The following KHDRBS3 variants were observed in gnomAD, a reference collection of about 807,000 sequenced individuals.
The protein encoded by KHDRBS3 is KH domain-containing, RNA-binding, signal transduction-associated protein 3.
A neutral mutation model predicts 45.6 loss-of-function variants in KHDRBS3; 23 were observed. The observed-to-expected ratio is 0.50, with a 90% CI of 0.36 to 0.72. The LOEUF (loss-of-function observed/expected upper bound fraction) is 0.72, where lower values mean the gene tolerates loss of function less well. Among genes scored for constraint, KHDRBS3 ranks in the 30% least tolerant of loss-of-function variants. The pLI is 0.00. For synonymous variants in KHDRBS3, 162 were observed against 156.5 expected (o/e 1.04, Z -0.26); for missense variants, 352 against 424.8 (o/e 0.83, Z 1.51).
intron 7 of KHDRBS3, among the ~76,000 whole-genome samples, chr8:135,623,234 G>A (rs917312305): frequency 1.3e-5 from 2 of 152,194 alleles, no homozygotes; most frequent in Non-Finnish European, 2.9e-5. Flanking sequence ...GTTCTCTTGT[G>A]TGTCTTCATA....
chr8:135,498,033 T>C (rs1208825557), intron 1 of KHDRBS3, among the ~76,000 whole-genome samples: 1 of 152,128 alleles, frequency 6.6e-6, no homozygotes, highest in African/African-American at 2.4e-5. Context: ...TGAACCTAGG[T>C]TGGTGGCTGG....
chr8:135,485,869 T>TATATA (rs56114244), intron 1 of KHDRBS3, among the ~76,000 whole-genome samples: 6 of 143,214 alleles, frequency 4.2e-5, no homozygotes, highest in African/African-American at 8.0e-5. Context: ...TATATATATA[T>TATATA]TTTATTTTTC....
At chr8:135,561,127 C>G (rs1827147403) in intron 5 of KHDRBS3, among the ~76,000 whole-genome samples, 1 of 152,134 alleles carries the variant, frequency 6.6e-6, no homozygotes, top group Non-Finnish European at 1.5e-5. Flanking sequence ...TTAACCAACC[C>G]TAGGGTAGAA....
chr8:135,648,514 A>T (rs1362148296), downstream of KHDRBS3: 1 of 152,100 alleles, frequency 6.6e-6, no homozygotes, highest in Non-Finnish European at 1.5e-5. Context: ...GTTTATGTTG[A>T]GTAAAAAGGT....
intron 3 of KHDRBS3, 126 bp downstream of exon 3, chr8:135,542,896 G>A: frequency 1.6e-6 from 1 of 629,908 alleles, no homozygotes; most frequent in South Asian, 2.4e-5. Context: ...AGAAAATTGA[G>A]TCACTCTGGT....
At chr8:135,566,824 A>G (rs1827443136) in intron 5 of KHDRBS3, among the ~76,000 whole-genome samples, 1 of 152,222 alleles carries the variant, frequency 6.6e-6, no homozygotes, top group South Asian at 2.1e-4. Flanking sequence ...CGAGATGGTT[A>G]TAAAAACAAA....
intron 1 of KHDRBS3, among the ~76,000 whole-genome samples, chr8:135,460,339 C>T (rs1329148357): frequency 6.6e-6 from 1 of 152,208 alleles, no homozygotes; most frequent in African/African-American, 2.4e-5. Context: ...CTAACAAGGC[C>T]TTACATTTGC....
rs933954885 is a variant in KHDRBS3, at chr8:135,655,268, G to A, written c.*118-958G>A. ...TGCAGGTGACACTGAGACGCCCACCGTGTCCCTGGCACTCTGCAGCAATAA... is the reference window on the plus strand; with the variant it reads ...TGCAGGTGACACTGAGACGCCCACCATGTCCCTGGCACTCTGCAGCAATAA... On this transcript the variant is annotated intron_variant and NMD_transcript_variant, in intron 4 of 4. Coordinates refer to the KHDRBS3 transcript ENST00000521461. Among the ~76,000 whole-genome samples the A allele has an allele frequency of 4.6e-5, 7 of 152,310 alleles. No individual in the cohort carries two copies. In the South Asian group the frequency reaches 1.0e-3, roughly 23 times the overall value.
intron 7 of KHDRBS3, chr8:135,625,784 C>T: frequency 1.3e-6 from 1 of 767,972 alleles, no homozygotes; most frequent in Non-Finnish European, 2.4e-6. Flanking sequence ...CGTGTTCTAG[C>T]TTAGCTTAGA....
chr8:135,542,838 C>A, intron 3 of KHDRBS3, 68 bp downstream of exon 3: 1 of 1,038,728 alleles, frequency 9.6e-7, no homozygotes. Context: ...ATATTATCCA[C>A]TGTATTCATA....
intron 1 of KHDRBS3, among the ~76,000 whole-genome samples, chr8:135,462,481 G>A (rs1169734710): frequency 6.6e-6 from 1 of 152,142 alleles, no homozygotes; most frequent in Non-Finnish European, 1.5e-5. Flanking sequence ...GTGTGCGTTT[G>A]AGAATGAATT....
At chr8:135,579,995 A>G (rs187673711) in intron 5 of KHDRBS3, among the ~76,000 whole-genome samples, 33 of 152,314 alleles carry the variant, frequency 2.2e-4, no homozygotes, top group South Asian at 8.3e-4. Context: ...CTCAGACCAC[A>G]TCTCATTCTA....
intron 2 of KHDRBS3, among the ~76,000 whole-genome samples, chr8:135,529,699 T>C (rs990261746): frequency 6.6e-6 from 1 of 152,168 alleles, no homozygotes; most frequent in Non-Finnish European, 1.5e-5. Flanking sequence ...CTAAAATTTT[T>C]ATTACATTTA....
At chr8:135,601,539 A>G (rs1199884116) in intron 6 of KHDRBS3, among the ~76,000 whole-genome samples, 1 of 152,224 alleles carries the variant, frequency 6.6e-6, no homozygotes, top group African/African-American at 2.4e-5. Flanking sequence ...GGCACAGGAC[A>G]CATTGCAGAA....
chr8:135,503,996 T>C (rs1422465197), intron 1 of KHDRBS3, among the ~76,000 whole-genome samples: 1 of 152,218 alleles, frequency 6.6e-6, no homozygotes, highest in Non-Finnish European at 1.5e-5. Flanking sequence ...AAATGACACT[T>C]GAGGTCTGCT....
chr8:135,644,940 T>G, intron 7 of KHDRBS3, 119 bp from the exon 8 acceptor site: 1 of 1,048,318 alleles, frequency 9.5e-7, no homozygotes, highest in Non-Finnish European at 1.4e-6. Flanking sequence ...TGGGAATTTC[T>G]TTGAATTTTC....
In KHDRBS3 at chr8:135,557,660, A is replaced by G; in HGVS notation, c.611+73A>G. ...AATATTTCCTTTATTAGTAGCCAAA[A>G]CCAGTTCTATCTGAACAAAACTTGT... On this transcript the variant is annotated intron_variant, in intron 5 of 8. Coordinates refer to ENST00000355849, the MANE Select transcript of KHDRBS3 (RefSeq NM_006558.3). 2.7e-6 allele frequency: 3 copies of G among 1,126,626 alleles called. No homozygotes were observed. In the South Asian group the frequency reaches 4.0e-5, roughly 15 times the overall value. The allele number at this position is 1,126,626 out of a possible 1,614,324, so 69.8% of individuals were successfully genotyped here.
downstream of KHDRBS3, chr8:135,647,771 G>A (rs1299286745): frequency 6.6e-6 from 1 of 152,150 alleles, no homozygotes; most frequent in Non-Finnish European, 1.5e-5. Context: ...AAAATTAAAT[G>A]TACCATTATA....
intron 1 of KHDRBS3, among the ~76,000 whole-genome samples, chr8:135,461,498 C>T (rs1282070687): frequency 2.0e-5 from 3 of 152,160 alleles, no homozygotes; most frequent in African/African-American, 7.2e-5. Context: ...ACTCCGGACC[C>T]CGCCTTGGTG....
Sources: gnomAD v4.1 joint callset for allele counts (sites outside exome capture counted in the v4.1 genomes callset) on GRCh38, gnomAD v4.1.1 for gene constraint, MANE v1.5 for transcripts, NCBI Gene and HGNC (gene_info 2026-07-23, HGNC 2026-07-21) for gene names.